LRP1: variants seen among roughly 807,000 people sequenced by gnomAD.
LRP1 encodes prolow-density lipoprotein receptor-related protein 1.
A neutral mutation model predicts 541.5 loss-of-function variants in LRP1; 51 were observed. That is an observed-to-expected ratio of 0.09 (90% CI 0.08 to 0.12). The LOEUF (loss-of-function observed/expected upper bound fraction) is 0.12. Among genes scored for constraint, LRP1 ranks in the 10% least tolerant of loss-of-function variants. LRP1 has a pLI of 1.00. For missense variants in LRP1, 3,878 were observed against 6,376.2 expected, an observed-to-expected ratio of 0.61 and a Z score of 13.34; for synonymous variants, 2,219 against 2,470.8, an observed-to-expected ratio of 0.90 and a Z score of 3.02.
chr12:57,136,129 T>A (rs1336735235), intron 1 of LRP1, among the ~76,000 whole-genome samples: 2 of 152,172 alleles, frequency 1.3e-5, no homozygotes, highest in African/African-American at 4.8e-5. Flanking sequence ...GCTGGCGGGC[T>A]GTGTTTCCCG....
chr12:57,205,325 G>A lies in LRP1; in HGVS notation c.11336-26G>A, dbSNP rs777583502. On this transcript the variant is annotated intron_variant, in intron 73 of 88. Coordinates refer to ENST00000243077, the MANE Select transcript of LRP1 (RefSeq NM_002332.3). The surrounding 1 kb of genome is among the most constrained non-coding windows in gnomAD (Gnocchi z 4.6). ...CCCTGGCCTGGGGTGGCTCAAGGGA[G>A]GGCATCCACTCTCTGTCCCCCACAG... The A allele has an allele frequency of 6.3e-7, 1 of 1,590,884 alleles. No homozygotes were observed. Among genetic ancestry groups the A allele is most frequent in the East Asian group, 2.2e-5 (1 of 44,516 alleles).
chr12:57,211,930 T>G lies in LRP1; in HGVS notation c.13262T>G (p.Ile4421Arg). 1.9e-6 allele frequency: 3 copies of G among 1,614,058 alleles called. No homozygotes were observed. In the South Asian group the frequency reaches 3.3e-5, roughly 18 times the overall value. Reference sequence around the variant, plus strand: ...GTGTCCCACCTCTTCCCTCCAGATATAGCCTCCATCCTAATCCCTCTGCTG... The same window carrying G: ...GTGTCCCACCTCTTCCCTCCAGATAGAGCCTCCATCCTAATCCCTCTGCTG... ...HVFSQQQPGH[I>R]ASILIPLLLL... is the part of the protein sequence containing the mutation. The change falls in exon 87 of 89, where the codon ATA (isoleucine) becomes AGA (arginine). Residue 4421 changes from isoleucine (I) to arginine (R), a missense_variant. Ile to Arg is a moderately conservative substitution (Grantham distance 97, BLOSUM62 -3). Around this residue, in one of 13 missense-constraint regions of LRP1, gnomAD observed 871 missense variants for 1,212.4 expected, o/e 0.72. Coordinates refer to ENST00000243077, the MANE Select transcript of LRP1 (RefSeq NM_002332.3). The surrounding 1 kb of genome is among the most constrained non-coding windows in gnomAD (Gnocchi z 4.3).
In LRP1 at chr12:57,183,234, A is replaced by C; in HGVS notation, c.5663-145A>C. 15 of 863,596 alleles carry C rather than the reference A, an allele frequency of 1.7e-5. No individual in the cohort carries two copies. Among genetic ancestry groups the C allele is most frequent in the East Asian group, 2.7e-5 (1 of 37,620 alleles). 53.5% of individuals were successfully genotyped at this position (863,596 alleles called of 1,614,324 possible). A position where few individuals can be genotyped will look rare whatever the true frequency, so the allele number is the denominator to read the frequency against. ...CCGGCCCATGCTCTGGCCTCAGGCT[A>C]GGGTGTGTGTGCTGGGTGGAGGATA... On this transcript the variant is annotated intron_variant, in intron 34 of 88. Coordinates refer to ENST00000243077, the MANE Select transcript of LRP1 (RefSeq NM_002332.3). This position sits in a 1 kb window ranked among gnomAD's most constrained non-coding sequence, Gnocchi z 6.1.
At position 57,181,268 on chromosome 12, in the gene LRP1, G is replaced by A. The variant is rs760110764; in HGVS notation, c.5639G>A (p.Arg1880Gln). Residue 1880 changes from arginine (R) to glutamine (Q), a missense_variant, in exon 34 of 89, where the codon CGG becomes CAG. By Grantham distance (43) the Arg-to-Gln change is conservative. Transcript: ENST00000243077. ...SCMCTAGYSL[R>Q]SGQQACEGVG... The stretch of plus-strand genomic sequence containing the variant: ...ATGTGCACAGCCGGCTATAGCCTCC[G>A]GAGTGGCCAGCAGGCCTGCGAGGGT... 52 of 1,612,960 alleles carry A rather than the reference G, an allele frequency of 3.2e-5. No individual in the cohort carries two copies. Among genetic ancestry groups the A allele is most frequent in the Non-Finnish European group, 3.9e-5 (46 of 1,179,932 alleles).
intron 20 of LRP1, 30 bp downstream of exon 20, chr12:57,169,337 T>A (rs1478832689): frequency 6.3e-7 from 1 of 1,577,320 alleles, no homozygotes; most frequent in South Asian, 1.1e-5. Flanking sequence ...GGGGTGGGGA[T>A]GAGATCGAGC....
Position 57,143,719 on chromosome 12 carries a change from T to C in LRP1, c.369T>C (p.His123=), listed in dbSNP as rs749409616. The C allele has an allele frequency of 1.9e-6, 3 of 1,614,152 alleles. No individual in the cohort carries two copies. Among genetic ancestry groups the C allele is most frequent in the South Asian group, 1.1e-5 (1 of 91,078 alleles). ...GNCSRLGCQH[H]CVPTLDGPTC... Reference sequence around the variant, plus strand: ...GCTCTCGCCTGGGCTGCCAGCACCATTGTGTCCCCACACTCGATGGGCCCA... The same window carrying C: ...GCTCTCGCCTGGGCTGCCAGCACCACTGTGTCCCCACACTCGATGGGCCCA... The change falls in exon 4 of 89, where the codon CAT becomes CAC. Residue 123 remains histidine (H), a synonymous_variant. Coordinates refer to ENST00000243077, the MANE Select transcript of LRP1 (RefSeq NM_002332.3).
chr12:57,205,063 G>A lies in LRP1; in HGVS notation c.11195-46G>A. On this transcript the variant is annotated intron_variant, in intron 72 of 88. Transcript: ENST00000243077. This position sits in a 1 kb window ranked among gnomAD's most constrained non-coding sequence, Gnocchi z 4.6. ...ATCTATGGGGTTGCCGTGGGAGGAG[G>A]AGGCAGGGGAGAATACCCAGGGCCT... 1 of 1,568,930 alleles carries A rather than the reference G, an allele frequency of 6.4e-7. No homozygotes were observed. The highest frequency in any genetic ancestry group is 1.2e-5 in the South Asian group (1 of 86,522).
rs1204238834 is a variant in LRP1 at position 57,209,121 on chromosome 12, G to A, written c.12184G>A (p.Ala4062Thr). Residue 4062 changes from alanine (A) to threonine (T), a missense_variant, in exon 79 of 89, where the codon GCA (alanine) becomes ACA (threonine). Around this residue, in one of 13 missense-constraint regions of LRP1, gnomAD observed 871 missense variants for 1,212.4 expected, o/e 0.72. Transcript: ENST00000243077. Reference sequence around the variant, plus strand: ...TTATCACAATGAGCGGCTGTACTGGGCAGACGCCAAGCTTTCAGTCATCGG... The same window carrying A: ...TTATCACAATGAGCGGCTGTACTGGACAGACGCCAAGCTTTCAGTCATCGG... ...VDYHNERLYW[A>T]DAKLSVIGSI... is the part of the protein sequence containing the mutation. The A allele has an allele frequency of 3.7e-6, 6 of 1,614,026 alleles. No homozygotes were observed. The highest frequency in any genetic ancestry group is 3.4e-6 in the Non-Finnish European group (4 of 1,180,010).
chr12:57,175,416 C>T, intron 22 of LRP1, 44 bp from the exon 23 acceptor site: 5 of 1,607,452 alleles, frequency 3.1e-6, no homozygotes, highest in Non-Finnish European at 4.2e-6. Context: ...TGCCTCCTCT[C>T]AGCTTCTGAC....
rs372035955 is a variant in LRP1 at position 57,178,630 on chromosome 12, C to T, written c.4606+27C>T. ...TAAGGGGCTCGGGGCCTCGAGCAGC[C>T]GGAAGGGAGCCAGCAGCCTCTTTAG... On this transcript the variant is annotated intron_variant, in intron 27 of 88. Transcript: ENST00000243077. The surrounding 1 kb of genome is among the most constrained non-coding windows in gnomAD (Gnocchi z 5.8). The T allele has an allele frequency of 1.5e-5, 25 of 1,613,030 alleles. No homozygotes were observed. Among genetic ancestry groups the T allele is most frequent in the East Asian group, 4.5e-5 (2 of 44,868 alleles).
At chr12:57,188,782 G>C (rs893922523) in intron 42 of LRP1, among the ~76,000 whole-genome samples, 1 of 152,198 alleles carries the variant, frequency 6.6e-6, no homozygotes, top group Non-Finnish European at 1.5e-5. Flanking sequence ...GAGCTTCGTG[G>C]CTGTGTGCTG....
In LRP1 at chr12:57,206,398, A is replaced by G; in HGVS notation, c.11591-75A>G. 6.9e-7 allele frequency: 1 copy of G among 1,444,520 alleles called. No individual in the cohort carries two copies. Among genetic ancestry groups the G allele is most frequent in the African/African-American group, 1.4e-5 (1 of 71,922 alleles). The allele number at this position is 1,444,520 out of a possible 1,614,324, so 89.5% of individuals were successfully genotyped here. A position where few individuals can be genotyped will look rare whatever the true frequency, so the allele number is the denominator to read the frequency against. ...CCTACCAGGAGATGGGACAGTGTTC[A>G]TGTGAAAGGAGCTGAGCTGGGTGGG... is the stretch of plus-strand genomic sequence containing the variant. On this transcript the variant is annotated intron_variant, in intron 75 of 88. Transcript: ENST00000243077. This position sits in a 1 kb window ranked among gnomAD's most constrained non-coding sequence, Gnocchi z 4.7.
At position 57,204,400 on chromosome 12, in the gene LRP1, CT is replaced by C; in HGVS notation, c.10952-9del. The C allele has an allele frequency of 6.6e-7, 1 of 1,518,728 alleles. No individual in the cohort carries two copies. The highest frequency in any genetic ancestry group is 8.8e-7 in the Non-Finnish European group (1 of 1,132,080). 94.1% of individuals were successfully genotyped at this position (1,518,728 alleles called of 1,614,324 possible). A position where few individuals can be genotyped will look rare whatever the true frequency, so the allele number is the denominator to read the frequency against. On this transcript the variant is annotated splice_polypyrimidine_tract_variant and intron_variant, in intron 70 of 88. Transcript: ENST00000243077. This position sits in a 1 kb window ranked among gnomAD's most constrained non-coding sequence, Gnocchi z 5.3. Reference sequence around the variant, plus strand: ...GGCTCATTCTATCTCTTGGCTCCCCCTGGCACCAGTGCGGACCTGCCCCCTG... The same window carrying C: ...GGCTCATTCTATCTCTTGGCTCCCCCGGCACCAGTGCGGACCTGCCCCCTG...
In LRP1 at chr12:57,212,450, C is replaced by T. The variant is rs911590097; in HGVS notation, c.13530C>T (p.Leu4510=). ...TCACCAACCCCGTGTATGCCACACT[C>T]TACATGGGGGGCCATGGCAGTCGCC... ...TNFTNPVYAT[L]YMGGHGSRHS... The change falls in exon 89 of 89, where the codon CTC becomes CTT. Residue 4510 remains leucine, a synonymous_variant. Coordinates refer to ENST00000243077, the MANE Select transcript of LRP1 (RefSeq NM_002332.3). This position sits in a 1 kb window ranked among gnomAD's most constrained non-coding sequence, Gnocchi z 5.0. 6.2e-7 allele frequency: 1 copy of T among 1,614,042 alleles called. No individual in the cohort carries two copies. The highest frequency in any genetic ancestry group is 8.5e-7 in the Non-Finnish European group (1 of 1,180,028).
intron 80 of LRP1, 73 bp downstream of exon 80, chr12:57,209,941 G>A: frequency 6.3e-7 from 1 of 1,593,290 alleles, no homozygotes; most frequent in Non-Finnish European, 8.6e-7. Context: ...GTGGCCCTGG[G>A]ACCTGGTGGA....
chr12:57,182,287 G>A (rs1434342959), intron 34 of LRP1, among the ~76,000 whole-genome samples: 10 of 152,148 alleles, frequency 6.6e-5, no homozygotes, highest in East Asian at 1.9e-4. Flanking sequence ...GAGGCCGGCC[G>A]ATCACTTGAG....
chr12:57,155,781 T>C (rs1344244749), intron 8 of LRP1, among the ~76,000 whole-genome samples: 1 of 152,026 alleles, frequency 6.6e-6, no homozygotes, highest in African/African-American at 2.4e-5. Flanking sequence ...AAACCCCATC[T>C]CTACACAAAA....
chr12:57,208,168 C>T lies in LRP1; in HGVS notation c.11990C>T (p.Ser3997Leu), dbSNP rs908851844. ...GGCGAGAACCGCAAGACGCTCATCTCGGGCATGATTGACGAGCCCCACGCC... is the reference window on the plus strand; with the variant it reads ...GGCGAGAACCGCAAGACGCTCATCTTGGGCATGATTGACGAGCCCCACGCC... ...MKGENRKTLI[S>L]GMIDEPHAIV... The change falls in exon 77 of 89, where the codon TCG becomes TTG. Residue 3997 changes from serine (S) to leucine (L), a missense_variant. Ser to Leu is a moderately radical substitution (Grantham distance 145). Coordinates refer to ENST00000243077, the MANE Select transcript of LRP1 (RefSeq NM_002332.3). The T allele has an allele frequency of 6.8e-6, 11 of 1,613,928 alleles. No individual in the cohort carries two copies. The highest frequency in any genetic ancestry group is 3.3e-5 in the Admixed American group (2 of 60,012).
At chr12:57,139,653 CAT>C (rs1337458608) in intron 2 of LRP1, among the ~76,000 whole-genome samples, 1 of 152,206 alleles carries the variant, frequency 6.6e-6, no homozygotes, top group Non-Finnish European at 1.5e-5. Context: ...CCCCCGGACT[CAT>C]AACATCACAC....
Sources: allele counts gnomAD v4.1 joint callset (sites outside exome capture counted in the v4.1 genomes callset), GRCh38; gene constraint gnomAD v4.1.1; regional missense constraint gnomAD v4.1.1; non-coding constraint Gnocchi (gnomAD v3.1); transcripts MANE v1.5; gene names NCBI Gene and HGNC (gene_info 2026-07-23, HGNC 2026-07-21).